TCERG1L: variants seen among roughly 807,000 people sequenced by gnomAD.
TCERG1L encodes transcription elongation regulator 1-like protein.
A neutral mutation model predicts 56.3 loss-of-function variants in TCERG1L; 37 were observed. The ratio of observed to expected loss-of-function variants is 0.66; its 90% CI spans 0.51 to 0.87. The LOEUF is 0.87. Ranked by LOEUF, TCERG1L falls within the 40% of genes least tolerant of loss-of-function variation. The probability of loss-of-function intolerance (pLI) is 0.00; values close to 1 mark genes in which losing one functional copy is unlikely to be tolerated. For missense variants in TCERG1L, 799 were observed against 774.2 expected (o/e 1.03, Z -0.38); for synonymous variants, 324 against 326.3 (o/e 0.99, Z 0.08).
intron 4 of TCERG1L, among the ~76,000 whole-genome samples, chr10:131,176,005 C>T (rs1846143799): frequency 6.6e-6 from 1 of 152,166 alleles, no homozygotes; most frequent in South Asian, 2.1e-4. Context: ...TAAGCAACGC[C>T]CACCTTTCAA....
intron 7 of TCERG1L, among the ~76,000 whole-genome samples, chr10:131,138,087 G>A (rs948062359): frequency 1.3e-5 from 2 of 152,168 alleles, no homozygotes; most frequent in African/African-American, 2.4e-5. Context: ...TGGCCAACAT[G>A]GTGAAACCCC....
At position 131,249,406 on chromosome 10, in the gene TCERG1L, A is replaced by G. The variant is rs147910063; in HGVS notation, c.856+10853T>C. On this transcript the variant is annotated intron_variant, in intron 4 of 11. Coordinates refer to ENST00000368642, the MANE Select transcript of TCERG1L (RefSeq NM_174937.4). ...TATAGGGGCTTCCACAGCCCTGACA[A>G]TGGCTCCACCCGGCTACCCCAGCGT... 6.6e-3 allele frequency among the ~76,000 whole-genome samples: 995 copies of G among 150,566 alleles called. 5 individuals are homozygous for G. Among genetic ancestry groups the G allele is most frequent in the African/African-American group, 0.023 (934 of 40,902 alleles).
At chr10:131,256,994 A>G (rs868527862) in intron 4 of TCERG1L, among the ~76,000 whole-genome samples, 8 of 69,078 alleles carry the variant, frequency 1.2e-4, no homozygotes, top group African/African-American at 4.3e-4. Context: ...GGAAGGAAGG[A>G]AAGAAAGAAA....
At chr10:131,236,449 G>A (rs1377907981) in intron 4 of TCERG1L, among the ~76,000 whole-genome samples, 2 of 152,198 alleles carry the variant, frequency 1.3e-5, no homozygotes, top group African/African-American at 2.4e-5. Context: ...CAAACCGCAT[G>A]ATGTGGCCAC....
intron 9 of TCERG1L, among the ~76,000 whole-genome samples, chr10:131,109,836 T>C (rs554670477): frequency 6.6e-6 from 1 of 152,266 alleles, no homozygotes; most frequent in Admixed American, 6.5e-5. Flanking sequence ...ATTTCCACAG[T>C]GGAAGAAGCC....
At chr10:131,148,380 A>C (rs1845822217) in intron 6 of TCERG1L, among the ~76,000 whole-genome samples, 2 of 152,120 alleles carry the variant, frequency 1.3e-5, no homozygotes, top group African/African-American at 4.8e-5. Flanking sequence ...AGACATAGAG[A>C]CACACACATA....
At chr10:131,243,473 T>C (rs1589759327) in intron 4 of TCERG1L, among the ~76,000 whole-genome samples, 1 of 152,216 alleles carries the variant, frequency 6.6e-6, no homozygotes, top group Middle Eastern at 3.4e-3. Context: ...CCTGGCTATT[T>C]GGGTGGCTTG....
At position 131,290,401 on chromosome 10, in the gene TCERG1L, G is replaced by T. The variant is rs34632181; in HGVS notation, c.670+17810C>A. Among the ~76,000 whole-genome samples, 774 of 152,248 alleles carry T rather than the reference G, an allele frequency of 5.1e-3. 4 individuals carry two copies. Among genetic ancestry groups the T allele is most frequent in the Non-Finnish European group, 7.4e-3 (500 of 68,016 alleles). ...AATCCCAGCACTTTAGGAGGCTGAG[G>T]CGGGCAGATCACCTGAGGCTGGGAA... On this transcript the variant is annotated intron_variant, in intron 3 of 11. Transcript: ENST00000368642.
At chr10:131,234,260 TGA>T (rs1845888504) in intron 4 of TCERG1L, among the ~76,000 whole-genome samples, 1 of 152,234 alleles carries the variant, frequency 6.6e-6, no homozygotes, top group Non-Finnish European at 1.5e-5. Flanking sequence ...ATCGCATCTG[TGA>T]GAGTCCCTGC....
intron 3 of TCERG1L, among the ~76,000 whole-genome samples, chr10:131,289,779 A>T (rs11017864): frequency 0.026 from 443 of 16,760 alleles, no homozygotes; most frequent in Non-Finnish European, 0.031. Context: ...TATCGGTGTG[A>T]GTGTATGTGT....
At chr10:131,172,141 G>C (rs1028256153) in intron 4 of TCERG1L, among the ~76,000 whole-genome samples, 3 of 152,212 alleles carry the variant, frequency 2.0e-5, no homozygotes, top group African/African-American at 7.2e-5. Flanking sequence ...ATATCTGGAA[G>C]CGTGTGGAGT....
intron 6 of TCERG1L, chr10:131,160,695 T>A (rs1034709968): frequency 1.3e-5 from 2 of 152,260 alleles, no homozygotes; most frequent in South Asian, 2.1e-4. Context: ...CACTTCCCAG[T>A]GAGATCATGC....
intron 4 of TCERG1L, among the ~76,000 whole-genome samples, chr10:131,254,463 T>C (rs964309492): frequency 2.0e-5 from 3 of 151,978 alleles, no homozygotes; most frequent in Non-Finnish European, 4.4e-5. Context: ...GAACTACAGG[T>C]GGTGCCCCTG....
chr10:131,244,429 A>G (rs1846007382), intron 4 of TCERG1L, among the ~76,000 whole-genome samples: 1 of 152,134 alleles, frequency 6.6e-6, no homozygotes. Context: ...TGGAGCATGC[A>G]GAGTGGGGGT....
At chr10:131,240,714 C>T (rs112791595) in intron 4 of TCERG1L, among the ~76,000 whole-genome samples, 5 of 152,176 alleles carry the variant, frequency 3.3e-5, no homozygotes, top group African/African-American at 7.2e-5. Flanking sequence ...ACTGAGTCGG[C>T]GTCCATCCTG....
At chr10:131,101,322 G>T (rs1845302157) in intron 10 of TCERG1L, among the ~76,000 whole-genome samples, 1 of 152,248 alleles carries the variant, frequency 6.6e-6, no homozygotes, top group South Asian at 2.1e-4. Flanking sequence ...GTTCCCAGCT[G>T]TTCTAAGAGA....
intron 7 of TCERG1L, among the ~76,000 whole-genome samples, chr10:131,138,439 T>C (rs1845698354): frequency 6.6e-6 from 1 of 152,192 alleles, no homozygotes; most frequent in South Asian, 2.1e-4. Flanking sequence ...CAAGCCCACA[T>C]CAGCGATCTC....
intron 4 of TCERG1L, among the ~76,000 whole-genome samples, chr10:131,223,486 T>C (rs1845757802): frequency 6.6e-6 from 1 of 152,156 alleles, no homozygotes; most frequent in African/African-American, 2.4e-5. Context: ...CTTTCCTATA[T>C]CTGCCGTTTC....
At chr10:131,174,945 G>A (rs1231619698) in intron 4 of TCERG1L, among the ~76,000 whole-genome samples, 3 of 92,284 alleles carry the variant, frequency 3.3e-5, no homozygotes, top group Admixed American at 1.0e-4. Flanking sequence ...CAACCCTGCA[G>A]CCTGAACCCA....
Sources: gnomAD v4.1 joint callset for allele counts (sites outside exome capture counted in the v4.1 genomes callset) on GRCh38, gnomAD v4.1.1 for gene constraint, MANE v1.5 for transcripts, NCBI Gene and HGNC (gene_info 2026-07-23, HGNC 2026-07-21) for gene names.